KCNK2: variants seen among roughly 807,000 people sequenced by gnomAD.
KCNK2 encodes potassium channel subfamily K member 2.
A neutral mutation model predicts 40.5 loss-of-function variants in KCNK2; 21 were observed. The ratio of observed to expected loss-of-function variants is 0.52; its 90% confidence interval spans 0.37 to 0.75. KCNK2 has a LOEUF of 0.75. Ranked by LOEUF, KCNK2 falls within the 30% of genes least tolerant of loss-of-function variation. KCNK2 has a pLI of 0.00. For missense variants in KCNK2, 399 were observed against 531.6 expected (o/e 0.75, Z 2.45); for synonymous variants, 191 against 202.2 (o/e 0.94, Z 0.47).
intron 5 of KCNK2, among the ~76,000 whole-genome samples, chr1:215,186,455 A>G (rs1664443405): frequency 6.6e-6 from 1 of 152,160 alleles, no homozygotes; most frequent in African/African-American, 2.4e-5. Flanking sequence ...TTATTTCTTC[A>G]CTTTTTATTT....
intron 6 of KCNK2, among the ~76,000 whole-genome samples, chr1:215,233,060 T>A (rs191408588): frequency 6.6e-6 from 1 of 152,276 alleles, no homozygotes; most frequent in East Asian, 1.9e-4. Flanking sequence ...TGTTTAGTAA[T>A]CAGTTCTATA....
chr1:215,060,344 C>T (rs1053066353), intron 1 of KCNK2, among the ~76,000 whole-genome samples: 5 of 152,124 alleles, frequency 3.3e-5, no homozygotes, highest in East Asian at 1.9e-4. Flanking sequence ...ACAACGAAGG[C>T]GTGGCATGAC....
At chr1:215,016,027 C>T (rs2841611) in intron 1 of KCNK2, among the ~76,000 whole-genome samples, 85,025 of 151,920 alleles carry the variant, frequency 0.56, 25,473 homozygotes, top group South Asian at 0.78. Context: ...CACGATCAAG[C>T]GAAACAAAAT....
chr1:215,226,473 G>A (rs1237048629), intron 6 of KCNK2, among the ~76,000 whole-genome samples: 2 of 152,058 alleles, frequency 1.3e-5, no homozygotes, highest in Non-Finnish European at 1.5e-5. Context: ...CTACAGGCGC[G>A]TGCCATCACG....
chr1:215,022,242 C>T (rs1326631767), intron 1 of KCNK2, among the ~76,000 whole-genome samples: 2 of 152,052 alleles, frequency 1.3e-5, no homozygotes, highest in African/African-American at 4.8e-5. Flanking sequence ...CAAGTCAATT[C>T]AGGATCTTCC....
chr1:215,189,766 G>A (rs137971442), intron 5 of KCNK2, among the ~76,000 whole-genome samples: 375 of 152,196 alleles, frequency 2.5e-3, no homozygotes, highest in Non-Finnish European at 4.4e-3. Flanking sequence ...TTGAAGCAGT[G>A]AGAAACACCT....
intron 5 of KCNK2, among the ~76,000 whole-genome samples, chr1:215,191,559 G>C (rs1664668507): frequency 6.6e-6 from 1 of 152,074 alleles, no homozygotes; most frequent in South Asian, 2.1e-4. Flanking sequence ...AGCAATAAGG[G>C]CAAGAGATCC....
At chr1:215,030,178 G>A (rs1245990599) in intron 1 of KCNK2, among the ~76,000 whole-genome samples, 1 of 152,086 alleles carries the variant, frequency 6.6e-6, no homozygotes, top group Admixed American at 6.6e-5. Context: ...CTTTTCATAC[G>A]CTTATTTGTC....
chr1:215,127,751 C>T (rs2102585105), intron 3 of KCNK2, among the ~76,000 whole-genome samples: 1 of 152,260 alleles, frequency 6.6e-6, no homozygotes, highest in East Asian at 1.9e-4. Flanking sequence ...GTCTGTATCT[C>T]CAAATGCCTG....
chr1:215,134,440 C>T (rs2102593167), intron 3 of KCNK2, among the ~76,000 whole-genome samples: 1 of 152,252 alleles, frequency 6.6e-6, no homozygotes, highest in Non-Finnish European at 1.5e-5. Flanking sequence ...GAAAGACATA[C>T]ATAGGGAAAG....
chr1:215,155,923 C>T (rs897379758), intron 3 of KCNK2, among the ~76,000 whole-genome samples: 8 of 152,036 alleles, frequency 5.3e-5, no homozygotes, highest in African/African-American at 1.4e-4. Flanking sequence ...TTTATATTTG[C>T]GTGTCAATCA....
intron 6 of KCNK2, among the ~76,000 whole-genome samples, chr1:215,205,365 G>C (rs1452672913): frequency 6.6e-6 from 1 of 152,046 alleles, no homozygotes; most frequent in African/African-American, 2.4e-5. Flanking sequence ...AGCCTCCCAA[G>C]TAGCTGGGAC....
At chr1:215,104,801 T>C (rs1376936286) in intron 2 of KCNK2, among the ~76,000 whole-genome samples, 1 of 152,098 alleles carries the variant, frequency 6.6e-6, no homozygotes, top group African/African-American at 2.4e-5. Flanking sequence ...ATGAATTAAA[T>C]AAATATTTAT....
intron 6 of KCNK2, 67 bp from the exon 7 acceptor site, chr1:215,234,761 G>A: frequency 7.1e-7 from 1 of 1,401,380 alleles, no homozygotes; most frequent in East Asian, 2.3e-5. Context: ...ATGAACTGAA[G>A]ATAAAGCATA....
At chr1:215,039,682 T>C (rs1657499767) in intron 1 of KCNK2, among the ~76,000 whole-genome samples, 1 of 152,150 alleles carries the variant, frequency 6.6e-6, no homozygotes, top group East Asian at 1.9e-4. Flanking sequence ...ATGGACGATT[T>C]AAATATTTTT....
intron 1 of KCNK2, among the ~76,000 whole-genome samples, chr1:215,007,878 C>G (rs766365611): frequency 2.2e-4 from 33 of 152,078 alleles, no homozygotes; most frequent in Non-Finnish European, 4.4e-4. Flanking sequence ...ATTATCCCAT[C>G]AACAGTTCTG....
intron 6 of KCNK2, among the ~76,000 whole-genome samples, chr1:215,197,652 C>A (rs757083190): frequency 2.0e-5 from 3 of 152,110 alleles, no homozygotes; most frequent in African/African-American, 4.8e-5. Flanking sequence ...ACAAATCAGG[C>A]CATAACACCA....
intron 6 of KCNK2, among the ~76,000 whole-genome samples, chr1:215,232,726 A>G (rs986680528): frequency 1.3e-4 from 20 of 152,144 alleles, no homozygotes; most frequent in African/African-American, 4.8e-4. Context: ...AAAGAAGACA[A>G]TTACCAAAGT....
In KCNK2 at chr1:215,082,841, C is replaced by T. The variant is rs1659223800; in HGVS notation, c.-545C>T. The stretch of plus-strand genomic sequence containing the variant: ...CGTGCCACACACCCCCCGCGGGGCA[C>T]GGAGGGCATTGCGGGGGGAGACACA... On this transcript the variant is annotated 5_prime_UTR_variant, in exon 1 of 7. The change creates a new upstream start codon in the 5' untranslated region. Coordinates refer to ENST00000444842, the MANE Select transcript of KCNK2 (RefSeq NM_001017425.3). Among the ~76,000 whole-genome samples the T allele has an allele frequency of 6.6e-6, 1 of 151,944 alleles. No homozygotes were observed. Among genetic ancestry groups the T allele is most frequent in the Admixed American group, 6.5e-5 (1 of 15,282 alleles).
Sources: gnomAD v4.1 joint callset for allele counts (sites outside exome capture counted in the v4.1 genomes callset) on GRCh38, gnomAD v4.1.1 for gene constraint, MANE v1.5 for transcripts, NCBI Gene and HGNC (gene_info 2026-07-23, HGNC 2026-07-21) for gene names.